HS3ST2: variants seen among roughly 807,000 people sequenced by gnomAD.
HS3ST2 encodes heparan sulfate glucosamine 3-O-sulfotransferase 2.
HS3ST2 carries 17 observed loss-of-function variants against 26.3 expected under a neutral mutation model. The ratio of observed to expected loss-of-function variants is 0.65; its 90% CI spans 0.44 to 0.97. The LOEUF is 0.97. Ranked by LOEUF, HS3ST2 falls within the 50% of genes least tolerant of loss-of-function variation. The pLI is 0.00. For missense variants in HS3ST2, 402 were observed against 501.2 expected, an observed-to-expected ratio of 0.80 and a Z score of 1.89; for synonymous variants, 237 against 219.2, an observed-to-expected ratio of 1.08 and a Z score of -0.72.
rs1032876850 is a variant in HS3ST2, at chr16:22,843,784, T to C, written c.485+28689T>C. 1.1e-4 allele frequency among the ~76,000 whole-genome samples: 17 copies of C among 152,180 alleles called. 1 individual carries two copies. The highest frequency in any genetic ancestry group is 3.9e-4 in the African/African-American group (16 of 41,450). On this transcript the variant is annotated intron_variant, in intron 1 of 1. Coordinates refer to ENST00000261374, the MANE Select transcript of HS3ST2 (RefSeq NM_006043.2). ...TTGGGTTTTTATGGAAGTTTCAAGA[T>C]GTCAGCATTCCTTTCTCCAGCATAT...
chr16:22,873,903 G>A (rs1381765397), intron 1 of HS3ST2, among the ~76,000 whole-genome samples: 2 of 152,182 alleles, frequency 1.3e-5, no homozygotes, highest in East Asian at 1.9e-4. Context: ...AGATGATGGA[G>A]GCCCCATCTC....
intron 1 of HS3ST2, among the ~76,000 whole-genome samples, chr16:22,886,245 A>G (rs1358566145): frequency 6.6e-6 from 1 of 152,238 alleles, no homozygotes; most frequent in Admixed American, 6.5e-5. Context: ...GCTTTAGAGC[A>G]ATAAACAAAT....
intron 1 of HS3ST2, among the ~76,000 whole-genome samples, chr16:22,837,791 T>C (rs867119253): frequency 3.3e-5 from 5 of 152,116 alleles, no homozygotes; most frequent in Middle Eastern, 3.4e-3. Flanking sequence ...AATAAAGTTA[T>C]GTTCATGTGA....
chr16:22,867,134 T>C (rs1000079076), intron 1 of HS3ST2, among the ~76,000 whole-genome samples: 13 of 152,182 alleles, frequency 8.5e-5, no homozygotes, highest in African/African-American at 3.1e-4. Context: ...ATTTTAAAAA[T>C]AGAGTTTACT....
chr16:22,836,301 C>T (rs1901253381), intron 1 of HS3ST2, among the ~76,000 whole-genome samples: 1 of 152,234 alleles, frequency 6.6e-6, no homozygotes, highest in African/African-American at 2.4e-5. Flanking sequence ...TAAAGAAGTA[C>T]CTGAGACTGG....
intron 1 of HS3ST2, among the ~76,000 whole-genome samples, chr16:22,891,572 A>G (rs139925106): frequency 6.6e-6 from 1 of 152,246 alleles, no homozygotes; most frequent in Non-Finnish European, 1.5e-5. Flanking sequence ...ATTAATTTAA[A>G]CATTAATTCA....
At position 22,862,261 on chromosome 16, in the gene HS3ST2, AG is replaced by A. The variant is rs1448456563; in HGVS notation, c.485+47168del. ...TGGGTGTGTGTCTCATTCATGAAGC[AG>A]GCTTCTCCTCAGCTTTTTTTTTTTT... On this transcript the variant is annotated intron_variant, in intron 1 of 1. Coordinates refer to ENST00000261374, the MANE Select transcript of HS3ST2 (RefSeq NM_006043.2). Among the ~76,000 whole-genome samples, 3 of 148,306 alleles carry A rather than the reference AG, an allele frequency of 2.0e-5. 1 individual carries two copies. The highest frequency in any genetic ancestry group is 3.0e-5 in the Non-Finnish European group (2 of 67,558).
chr16:22,912,451 G>A (rs1902435089), intron 1 of HS3ST2, among the ~76,000 whole-genome samples: 1 of 152,206 alleles, frequency 6.6e-6, no homozygotes, highest in African/African-American at 2.4e-5. Flanking sequence ...TGTTCTGGGG[G>A]TTGGTAAATC....
intron 1 of HS3ST2, among the ~76,000 whole-genome samples, chr16:22,830,677 C>A (rs1303767006): frequency 6.6e-6 from 1 of 152,188 alleles, no homozygotes; most frequent in East Asian, 1.9e-4. Context: ...GGAGACCATC[C>A]AAACTTTGCC....
intron 1 of HS3ST2, among the ~76,000 whole-genome samples, chr16:22,849,943 G>A (rs750187745): frequency 6.6e-6 from 1 of 152,178 alleles, no homozygotes; most frequent in Non-Finnish European, 1.5e-5. Context: ...GTAGCTAGGG[G>A]AATACAGCGC....
At chr16:22,912,240 C>A (rs766897099) in intron 1 of HS3ST2, among the ~76,000 whole-genome samples, 3 of 152,156 alleles carry the variant, frequency 2.0e-5, no homozygotes, top group African/African-American at 4.8e-5. Context: ...TTAACCATTT[C>A]AGAGTTAGGG....
chr16:22,873,833 G>A (rs1244329013), intron 1 of HS3ST2, among the ~76,000 whole-genome samples: 1 of 152,196 alleles, frequency 6.6e-6, no homozygotes, highest in African/African-American at 2.4e-5. Flanking sequence ...ACACATCTGG[G>A]ATCAACTAGT....
chr16:22,834,482 T>A (rs1459657462), intron 1 of HS3ST2, among the ~76,000 whole-genome samples: 1 of 152,164 alleles, frequency 6.6e-6, no homozygotes, highest in East Asian at 1.9e-4. Context: ...AGAATTATTT[T>A]AAATAGCATC....
chr16:22,817,856 A>G (rs927838548), intron 1 of HS3ST2, among the ~76,000 whole-genome samples: 8 of 151,184 alleles, frequency 5.3e-5, no homozygotes, highest in African/African-American at 2.0e-4. Flanking sequence ...CAGATAGTGG[A>G]AAAATCAAAA....
chr16:22,814,509 T>C lies in HS3ST2; in HGVS notation c.-102T>C. ...CCCCAACGCCCGACCCGCGTGGCCG[T>C]GGCAGCGCCACGCGAGCCCTCTAGG... On this transcript the variant is annotated 5_prime_UTR_variant, in exon 1 of 2. Transcript: ENST00000261374. 1 of 1,335,612 alleles carries C rather than the reference T, an allele frequency of 7.5e-7. No individual in the cohort carries two copies. The allele number at this position is 1,335,612 out of a possible 1,614,324, so 82.7% of individuals were successfully genotyped here. A position where few individuals can be genotyped will look rare whatever the true frequency, so the allele number is the denominator to read the frequency against.
At chr16:22,895,280 G>T (rs1384372115) in intron 1 of HS3ST2, among the ~76,000 whole-genome samples, 5 of 151,980 alleles carry the variant, frequency 3.3e-5, no homozygotes, top group Non-Finnish European at 7.4e-5. Flanking sequence ...AGTAGAGACA[G>T]GGTTTCGCCA....
intron 1 of HS3ST2, among the ~76,000 whole-genome samples, chr16:22,850,690 G>A (rs1901506351): frequency 6.6e-6 from 1 of 152,198 alleles, no homozygotes; most frequent in Admixed American, 6.5e-5. Flanking sequence ...GGGAGGCTGA[G>A]GCAGGAGAAT....
At chr16:22,817,314 A>G (rs1362353575) in intron 1 of HS3ST2, among the ~76,000 whole-genome samples, 1 of 151,980 alleles carries the variant, frequency 6.6e-6, no homozygotes, top group African/African-American at 2.4e-5. Context: ...TTGACCAGGA[A>G]GGCTGGGAGG....
intron 1 of HS3ST2, among the ~76,000 whole-genome samples, chr16:22,815,322 C>T (rs1477218381): frequency 6.6e-6 from 1 of 152,198 alleles, no homozygotes; most frequent in Non-Finnish European, 1.5e-5. Context: ...TCACTGGAGT[C>T]GTTGGAAAAG....
Sources: allele counts gnomAD v4.1 joint callset (sites outside exome capture counted in the v4.1 genomes callset), GRCh38; gene constraint gnomAD v4.1.1; transcripts MANE v1.5; gene names NCBI Gene and HGNC (gene_info 2026-07-23, HGNC 2026-07-21).